Variants in HLX observed in about 807,000 individuals in gnomAD.
The protein encoded by HLX is H2.0-like homeobox protein.
In HLX, 6 loss-of-function variants were observed where a neutral mutation model predicts 27.7. The observed-to-expected ratio is 0.22, with a 90% CI of 0.12 to 0.43. The LOEUF (loss-of-function observed/expected upper bound fraction) is 0.43, where lower values mean the gene tolerates loss of function less well. Ranked by LOEUF, HLX falls within the 20% of genes least tolerant of loss-of-function variation. HLX has a pLI of 1.00. For synonymous variants in HLX, 328 were observed against 293.8 expected (o/e 1.12, Z -1.19); for missense variants, 666 against 655.2 (o/e 1.02, Z -0.18).
At chr1:220,881,156 C>A (rs912965853) in intron 1 of HLX, 38 bp from the exon 2 acceptor site, 2 of 1,577,570 alleles carry the variant, frequency 1.3e-6, no homozygotes, top group Non-Finnish European at 1.7e-6. Context: ...GTGAGTGTGC[C>A]CGAGATGTAA....
chr1:220,882,079 C>A, intron 2 of HLX, 85 bp from the exon 3 acceptor site: 1 of 1,292,866 alleles, frequency 7.7e-7, no homozygotes, highest in Non-Finnish European at 1.1e-6. Context: ...TCAAGCCTTA[C>A]GGGGACCCCC....
chr1:220,880,946 G>T (rs1436382287), intron 1 of HLX: 3 of 507,186 alleles, frequency 5.9e-6, no homozygotes, highest in East Asian at 3.3e-5. Context: ...AAGTGAGGCC[G>T]TAAGCCGATT....
At position 220,879,732 on chromosome 1, in the gene HLX, G is replaced by C. The variant is rs1372918059; in HGVS notation, c.-126G>C. On this transcript the variant is annotated 5_prime_UTR_variant, in exon 1 of 4. Transcript: ENST00000366903. The stretch of plus-strand genomic sequence containing the variant: ...TCCCGGCCTCTCTTCCTCAGTGCGG[G>C]CGGAGAAGCGAAAGCGGATCGTCCT... The C allele has an allele frequency of 7.2e-7, 1 of 1,382,190 alleles. No homozygotes were observed. Among genetic ancestry groups the C allele is most frequent in the African/African-American group, 1.5e-5 (1 of 65,692 alleles). 85.6% of individuals were successfully genotyped at this position (1,382,190 alleles called of 1,614,324 possible).
At position 220,884,427 on chromosome 1, in the gene HLX, G is replaced by GTGA. The variant is rs774746609; in HGVS notation, c.1191_1193dup (p.Ser397_Glu398insAsp). On this transcript the variant is annotated inframe_insertion, in exon 4 of 4. Transcript: ENST00000366903. The surrounding 1 kb of genome is among the most constrained non-coding windows in gnomAD (Gnocchi z 4.9). ...AGCGACACGGAGCGGACTGAGGGGA[G>GTGA]TGAGCGTTCTCTGCACCAAACAACA... The GTGA allele has an allele frequency of 1.7e-5, 28 of 1,614,064 alleles. No individual in the cohort carries two copies. The highest frequency in any genetic ancestry group is 2.4e-5 in the Non-Finnish European group (28 of 1,180,040).
At chr1:220,882,889 C>G (rs1451948922) in intron 3 of HLX, 1 of 160,702 alleles carries the variant, frequency 6.2e-6, no homozygotes, top group Admixed American at 5.9e-5. Flanking sequence ...GGAGTGGCCA[C>G]ACATTACAAG....
intron 1 of HLX, chr1:220,880,906 G>A (rs1024164598): frequency 4.5e-6 from 2 of 448,750 alleles, no homozygotes; most frequent in Non-Finnish European, 8.0e-6. Flanking sequence ...CGGAGGTTTT[G>A]CGTCTGTGGC....
rs949725177 is a variant in HLX at position 220,880,302 on chromosome 1, C to T, written c.445C>T (p.Pro149Ser). Residue 149 changes from proline (P) to serine (S), a missense_variant, in exon 1 of 4, where the codon CCC becomes TCC. Coordinates refer to ENST00000366903, the MANE Select transcript of HLX (RefSeq NM_021958.4). Reference protein sequence around the residue: ...PPPPRAGALQPPASGTRVVPN... With the variant: ...PPPPRAGALQSPASGTRVVPN... Reference sequence around the variant, plus strand: ...TCCGCCCCGGGCTGGCGCCCTGCAGCCCCCGGCCTCGGGGACGCGAGTGGT... The same window carrying T: ...TCCGCCCCGGGCTGGCGCCCTGCAGTCCCCGGCCTCGGGGACGCGAGTGGT... 5.0e-6 allele frequency: 8 copies of T among 1,613,434 alleles called. No homozygotes were observed. The highest frequency in any genetic ancestry group is 3.3e-4 in the Middle Eastern group (2 of 6,058).
chr1:220,879,724 C>T lies in HLX; in HGVS notation c.-134C>T. On this transcript the variant is annotated 5_prime_UTR_variant, in exon 1 of 4. Transcript: ENST00000366903. ...GCTAGGGCTCCCGGCCTCTCTTCCT[C>T]AGTGCGGGCGGAGAAGCGAAAGCGG... 1 of 1,342,884 alleles carries T rather than the reference C, an allele frequency of 7.4e-7. No homozygotes were observed. Among genetic ancestry groups the T allele is most frequent in the East Asian group, 2.8e-5 (1 of 35,394 alleles). 83.2% of individuals were successfully genotyped at this position (1,342,884 alleles called of 1,614,324 possible).
intron 3 of HLX, 155 bp downstream of exon 3, chr1:220,882,503 G>A: frequency 1.5e-6 from 1 of 663,832 alleles, no homozygotes; most frequent in South Asian, 1.9e-5. Flanking sequence ...CGCAACTTGA[G>A]GCAGGAGAAG....
At chr1:220,881,761 TAAAC>T (rs1553262997) in intron 2 of HLX, 2 of 333,686 alleles carry the variant, frequency 6.0e-6, no homozygotes, top group South Asian at 4.8e-5. Flanking sequence ...CATGCGGGAA[TAAAC>T]ACACACACAC....
intron 1 of HLX, 54 bp downstream of exon 1, chr1:220,880,503 C>T (rs1674402524): frequency 1.2e-6 from 2 of 1,600,340 alleles, no homozygotes; most frequent in Middle Eastern, 1.7e-4. Context: ...ACTCCCCGGA[C>T]CCCGGGCTGG....
At position 220,879,903 on chromosome 1, in the gene HLX, C is replaced by A; in HGVS notation, c.46C>A (p.Leu16Ile). The A allele has an allele frequency of 6.3e-7, 1 of 1,594,666 alleles. No individual in the cohort carries two copies. The highest frequency in any genetic ancestry group is 8.5e-7 in the Non-Finnish European group (1 of 1,176,550). The change falls in exon 1 of 4, where the codon CTC becomes ATC. Residue 16 changes from leucine (L) to isoleucine (I), a missense_variant. Leu to Ile is a conservative substitution (Grantham distance 5). Transcript: ENST00000366903. ...TCCCTTCTACGCCTCCAACTTCAGC[C>A]TCTGGTCGGCCGCTTACTGCTCCTC... ...LAPFYASNFS[L>I]WSAAYCSSAG...
rs952220812 is a variant in HLX, at chr1:220,884,931, C to G, written c.*227C>G. The G allele has an allele frequency of 4.5e-6, 3 of 661,392 alleles. No homozygotes were observed. Among genetic ancestry groups the G allele is most frequent in the Admixed American group, 3.0e-5 (1 of 33,406 alleles). 41.0% of individuals were successfully genotyped at this position (661,392 alleles called of 1,614,324 possible). A position where few individuals can be genotyped will look rare whatever the true frequency, so the allele number is the denominator to read the frequency against. On this transcript the variant is annotated 3_prime_UTR_variant, in exon 4 of 4. Coordinates refer to ENST00000366903, the MANE Select transcript of HLX (RefSeq NM_021958.4). This position sits in a 1 kb window ranked among gnomAD's most constrained non-coding sequence, Gnocchi z 4.9. ...TGCTAGCCAGCCGAACACTTCTCTCCGGAAGCAGGCTGGTTCGACTGTGAG... is the reference window on the plus strand; with the variant it reads ...TGCTAGCCAGCCGAACACTTCTCTCGGGAAGCAGGCTGGTTCGACTGTGAG...
Position 220,884,132 on chromosome 1 carries a change from A to T in HLX, c.958-63A>T. The T allele has an allele frequency of 6.4e-7, 1 of 1,560,534 alleles. No homozygotes were observed. ...TGGCTTGAGGGTGCACGCGAGTCGG[A>T]TAGGAGCAAACCTGGGTCTCATCTC... On this transcript the variant is annotated intron_variant, in intron 3 of 3. Transcript: ENST00000366903. This position sits in a 1 kb window ranked among gnomAD's most constrained non-coding sequence, Gnocchi z 4.9.
At chr1:220,880,520 G>A in intron 1 of HLX, 71 bp downstream of exon 1, 1 of 1,517,916 alleles carries the variant, frequency 6.6e-7, no homozygotes, top group Admixed American at 1.7e-5. Flanking sequence ...CTGGCTTGGG[G>A]TGCCTTTGAG....
Position 220,879,477 on chromosome 1 carries a change from A to C in HLX, c.-381A>C. On this transcript the variant is annotated 5_prime_UTR_variant, in exon 1 of 4. Transcript: ENST00000366903. ...CCCCCCCCCTAACTAACGGACTATTATTGTTGTTGTTTTAAATTTAGCTCT... is the reference window on the plus strand; with the variant it reads ...CCCCCCCCCTAACTAACGGACTATTCTTGTTGTTGTTTTAAATTTAGCTCT... 1.1e-5 allele frequency: 2 copies of C among 185,018 alleles called. No individual in the cohort carries two copies. The highest frequency in any genetic ancestry group is 2.1e-5 in the Non-Finnish European group (2 of 95,248). 11.5% of individuals were successfully genotyped at this position (185,018 alleles called of 1,614,324 possible).
At position 220,880,137 on chromosome 1, in the gene HLX, C is replaced by A; in HGVS notation, c.280C>A (p.Arg94=). ...CCAAGCGGCGGCCAGATCCCCGCTTCGACCCACCCCAGTGGTGGCGCCCTC... is the reference window on the plus strand; with the variant it reads ...CCAAGCGGCGGCCAGATCCCCGCTTAGACCCACCCCAGTGGTGGCGCCCTC... ...SFQAAARSPL[R]PTPVVAPSEV... Residue 94 remains arginine, a synonymous_variant, in exon 1 of 4, where the codon CGA becomes AGA. Coordinates refer to ENST00000366903, the MANE Select transcript of HLX (RefSeq NM_021958.4). 1 of 1,607,734 alleles carries A rather than the reference C, an allele frequency of 6.2e-7. No homozygotes were observed. Among genetic ancestry groups the A allele is most frequent in the Non-Finnish European group, 8.5e-7 (1 of 1,176,764 alleles).
At position 220,879,785 on chromosome 1, in the gene HLX, G is replaced by C; in HGVS notation, c.-73G>C. Reference sequence around the variant, plus strand: ...GCTGCCGCCGCCTTCTCCGGGACTCGCGCGCCCCTCCCCGCGCGCCCACCC... The same window carrying C: ...GCTGCCGCCGCCTTCTCCGGGACTCCCGCGCCCCTCCCCGCGCGCCCACCC... On this transcript the variant is annotated 5_prime_UTR_variant, in exon 1 of 4. Transcript: ENST00000366903. 6.8e-7 allele frequency: 1 copy of C among 1,469,842 alleles called. No homozygotes were observed. Among genetic ancestry groups the C allele is most frequent in the Non-Finnish European group, 8.9e-7 (1 of 1,118,266 alleles). 91.0% of individuals were successfully genotyped at this position (1,469,842 alleles called of 1,614,324 possible). A position where few individuals can be genotyped will look rare whatever the true frequency, so the allele number is the denominator to read the frequency against.
rs909811157 is a variant in HLX, at chr1:220,879,881, C to T, written c.24C>T (p.Pro8=). 4 of 1,588,332 alleles carry T rather than the reference C, an allele frequency of 2.5e-6. No individual in the cohort carries two copies. In the East Asian group the frequency reaches 6.8e-5, roughly 27 times the overall value. The change falls in exon 1 of 4, where the codon CCC becomes CCT. Residue 8 remains proline, a synonymous_variant. Coordinates refer to ENST00000366903, the MANE Select transcript of HLX (RefSeq NM_021958.4). ...GGATGTTCGCAGCCGGGCTGGCTCCCTTCTACGCCTCCAACTTCAGCCTCT... is the reference window on the plus strand; with the variant it reads ...GGATGTTCGCAGCCGGGCTGGCTCCTTTCTACGCCTCCAACTTCAGCCTCT... MFAAGLA[P]FYASNFSLWS...
Sources: gnomAD v4.1 joint callset for allele counts on GRCh38, gnomAD v4.1.1 for gene constraint, Gnocchi (gnomAD v3.1) non-coding constraint, MANE v1.5 for transcripts, NCBI Gene and HGNC (gene_info 2026-07-23, HGNC 2026-07-21) for gene names.